The following CCSER1 variants were observed in gnomAD, a reference collection of about 807,000 sequenced individuals.
The protein encoded by CCSER1 is coiled-coil serine rich protein 1, also known as serine-rich coiled-coil domain-containing protein 1.
Under a neutral mutation model 82.0 loss-of-function variants are expected in CCSER1, and 41 were observed. That is an observed-to-expected ratio of 0.50 (90% CI 0.39 to 0.65). The LOEUF (loss-of-function observed/expected upper bound fraction) is 0.65. Among genes scored for constraint, CCSER1 ranks in the 30% least tolerant of loss-of-function variants. The probability of loss-of-function intolerance (pLI) is 0.00; values close to 1 mark genes in which losing one functional copy is unlikely to be tolerated. For missense variants in CCSER1, 1,119 were observed against 1,064.2 expected (o/e 1.05, Z -0.72); for synonymous variants, 414 against 383.9 (o/e 1.08, Z -0.92).
chr4:90,792,458 C>G (rs1755392377), intron 7 of CCSER1, among the ~76,000 whole-genome samples: 1 of 151,688 alleles, frequency 6.6e-6, no homozygotes, highest in Admixed American at 6.5e-5. Context: ...GTTATTCACG[C>G]TGTCCTTTCC....
intron 8 of CCSER1, among the ~76,000 whole-genome samples, chr4:90,855,780 A>G (rs1764394875): frequency 6.6e-6 from 1 of 152,118 alleles, no homozygotes; most frequent in African/African-American, 2.4e-5. Flanking sequence ...ATTTGAAATC[A>G]CTTCATATAA....
intron 10 of CCSER1, among the ~76,000 whole-genome samples, chr4:91,544,034 C>A (rs539707241): frequency 2.0e-5 from 3 of 152,062 alleles, no homozygotes; most frequent in Non-Finnish European, 4.4e-5. Context: ...CTTCTCTTCT[C>A]GCTCCATTTC....
At chr4:90,780,550 G>A in intron 7 of CCSER1, 1 of 1,574,954 alleles carries the variant, frequency 6.3e-7, no homozygotes, top group Non-Finnish European at 8.6e-7. Context: ...AAGATGAAAG[G>A]AAAGAATAAA....
intron 10 of CCSER1, among the ~76,000 whole-genome samples, chr4:91,402,434 G>A (rs992898096): frequency 4.6e-5 from 7 of 152,012 alleles, no homozygotes; most frequent in African/African-American, 1.2e-4. Flanking sequence ...TTTTGTTGCT[G>A]TTGCTTTTGG....
chr4:90,687,146 ATATTTTTCAC>A (rs1734956250), intron 6 of CCSER1, among the ~76,000 whole-genome samples: 2 of 152,196 alleles, frequency 1.3e-5, no homozygotes, highest in African/African-American at 4.8e-5. Context: ...TAGAACAAGT[ATATTTTTCAC>A]AGAAGCACTT....
At chr4:91,368,067 A>G (rs951504336) in intron 10 of CCSER1, among the ~76,000 whole-genome samples, 1 of 152,048 alleles carries the variant, frequency 6.6e-6, no homozygotes, top group African/African-American at 2.4e-5. Context: ...TAATGATAGT[A>G]TTTTTCCATG....
At chr4:90,502,114 A>C (rs190443386) in intron 5 of CCSER1, among the ~76,000 whole-genome samples, 1 of 152,156 alleles carries the variant, frequency 6.6e-6, no homozygotes, top group East Asian at 1.9e-4. Context: ...GAATACATCA[A>C]TTCTCACACT....
At chr4:90,269,571 C>T (rs961338456) in intron 1 of CCSER1, among the ~76,000 whole-genome samples, 2 of 151,564 alleles carry the variant, frequency 1.3e-5, no homozygotes, top group Non-Finnish European at 2.9e-5. Flanking sequence ...GTATCTACAT[C>T]AAAATAGAAG....
At chr4:90,401,696 A>G (rs1002132239) in intron 4 of CCSER1, among the ~76,000 whole-genome samples, 2 of 151,570 alleles carry the variant, frequency 1.3e-5, no homozygotes, top group Admixed American at 1.3e-4. Context: ...ACCACATCCA[A>G]TTTTTGTATT....
intron 5 of CCSER1, among the ~76,000 whole-genome samples, chr4:90,550,027 T>C (rs1777259033): frequency 6.6e-6 from 1 of 152,160 alleles, no homozygotes; most frequent in Non-Finnish European, 1.5e-5. Context: ...AAAATTCTTT[T>C]ATTATTATCA....
chr4:90,589,721 A>G (rs1172713609), intron 5 of CCSER1, among the ~76,000 whole-genome samples: 1 of 152,158 alleles, frequency 6.6e-6, no homozygotes, highest in African/African-American at 2.4e-5. Context: ...ACCTGCAAGG[A>G]GAAATAATCA....
chr4:90,322,730 C>A (rs1737391907), intron 3 of CCSER1, among the ~76,000 whole-genome samples: 1 of 152,074 alleles, frequency 6.6e-6, no homozygotes, highest in Non-Finnish European at 1.5e-5. Flanking sequence ...AATGGTAATG[C>A]TTACCAGGCA....
chr4:90,508,064 C>A (rs1770961010), intron 5 of CCSER1, among the ~76,000 whole-genome samples: 1 of 151,934 alleles, frequency 6.6e-6, no homozygotes, highest in Non-Finnish European at 1.5e-5. Flanking sequence ...ATGTGTGAAT[C>A]TGGTTTCATT....
chr4:90,607,893 GA>G (rs995975004), intron 5 of CCSER1, among the ~76,000 whole-genome samples: 2 of 151,986 alleles, frequency 1.3e-5, no homozygotes, highest in African/African-American at 2.4e-5. Context: ...GAATTTGAAA[GA>G]AAGACTCCAC....
chr4:91,565,874 C>T (rs1456933670), intron 10 of CCSER1, among the ~76,000 whole-genome samples: 1 of 151,876 alleles, frequency 6.6e-6, no homozygotes, highest in African/African-American at 2.4e-5. Context: ...ATTTGGATGC[C>T]CTTTATTCCT....
chr4:91,598,662 T>G lies in CCSER1; in HGVS notation c.2308T>G (p.Ser770Ala). The stretch of plus-strand genomic sequence containing the variant: ...TCCCACCGAGGACCGTTTTAGGTAT[T>G]CGGCAGCGGACCAGACAAGCCCCTA... ...HTPTEDRFRY[S>A]AADQTSPYKN... Residue 770 changes from serine to alanine, a missense_variant, in exon 11 of 11, where the codon TCG becomes GCG. Transcript: ENST00000509176. 6.4e-7 allele frequency: 1 copy of G among 1,551,408 alleles called. No homozygotes were observed. The highest frequency in any genetic ancestry group is 8.7e-7 in the Non-Finnish European group (1 of 1,146,894).
intron 10 of CCSER1, among the ~76,000 whole-genome samples, chr4:91,431,555 C>T (rs559107817): frequency 6.6e-6 from 1 of 152,132 alleles, no homozygotes; most frequent in East Asian, 1.9e-4. Flanking sequence ...GCAACCTCTG[C>T]CTCCCAGGTT....
At chr4:90,604,978 C>T (rs959326366) in intron 5 of CCSER1, among the ~76,000 whole-genome samples, 2 of 150,426 alleles carry the variant, frequency 1.3e-5, no homozygotes, top group South Asian at 2.1e-4. Flanking sequence ...CTGCCCCAGC[C>T]AGCAGCGGCA....
chr4:90,745,867 AT>A (rs111497643), intron 7 of CCSER1, among the ~76,000 whole-genome samples: 24,199 of 146,920 alleles, frequency 0.16, 3,319 homozygotes, highest in African/African-American at 0.38. Context: ...ATTTTTTTTA[AT>A]TTTTTTTTTC....
Sources: allele counts gnomAD v4.1 joint callset (sites outside exome capture counted in the v4.1 genomes callset), GRCh38; gene constraint gnomAD v4.1.1; transcripts MANE v1.5; gene names NCBI Gene and HGNC (gene_info 2026-07-23, HGNC 2026-07-21).